Variants in FYB2 observed in about 807,000 individuals in gnomAD.
The protein encoded by FYB2 is FYN binding protein 2, also known as FYN-binding protein 2.
FYB2 carries 103 observed loss-of-function variants against 94.1 expected under a neutral mutation model. That is an observed-to-expected ratio of 1.09 (90% CI 0.93 to 1.29). FYB2 has a LOEUF of 1.29. FYB2 is among the 50% of genes most tolerant of loss of function. The pLI, the probability that FYB2 is intolerant of heterozygous loss-of-function variation, is 0.00. For missense variants in FYB2, 896 were observed against 841.5 expected (o/e 1.06, Z -0.80); for synonymous variants, 293 against 287.9 (o/e 1.02, Z -0.18).
intron 4 of FYB2, 82 bp from the exon 5 acceptor site, chr1:56,768,020 A>G: frequency 1.9e-6 from 2 of 1,073,942 alleles, no homozygotes; most frequent in Non-Finnish European, 2.7e-6. Flanking sequence ...CTCATTAGAG[A>G]AATAATATGT....
chr1:56,821,491 T>A (rs1225364432), upstream of FYB2, among the ~76,000 whole-genome samples: 2 of 152,224 alleles, frequency 1.3e-5, no homozygotes, highest in Non-Finnish European at 2.9e-5. Flanking sequence ...CACTAGCTGC[T>A]GGTCTTGGGA....
rs1644464924 is a variant in FYB2, at chr1:56,720,492, A to G, written c.1975-163T>C. ...AGAAAATAGGAAAGTATGCAGTTAA[A>G]GGAAAGTCGTTTAAGAAAATAATAG... On this transcript the variant is annotated intron_variant, in intron 17 of 19. Transcript: ENST00000343433. 4 of 529,596 alleles carry G rather than the reference A, an allele frequency of 7.6e-6. No individual in the cohort carries two copies. In the South Asian group the frequency reaches 2.5e-4, roughly 33 times the overall value. 32.8% of individuals were successfully genotyped at this position (529,596 alleles called of 1,614,324 possible).
Position 56,718,887 on chromosome 1 carries a change from A to G in FYB2, c.*784T>C, listed in dbSNP as rs1394770034. 1 of 152,588 alleles carries G rather than the reference A, an allele frequency of 6.6e-6. No individual in the cohort carries two copies. Among genetic ancestry groups the G allele is most frequent in the Non-Finnish European group, 1.5e-5 (1 of 68,012 alleles). 9.5% of individuals were successfully genotyped at this position (152,588 alleles called of 1,614,324 possible). A position where few individuals can be genotyped will look rare whatever the true frequency, so the allele number is the denominator to read the frequency against. ...AATAGATGTCAGCTTTTAAATTTTT[A>G]TTTAATTCCATATAAATGAAAGTAC... On this transcript the variant is annotated 3_prime_UTR_variant, in exon 20 of 20. Coordinates refer to ENST00000343433, the MANE Select transcript of FYB2 (RefSeq NM_001004303.5).
intron 1 of FYB2, among the ~76,000 whole-genome samples, chr1:56,805,019 T>C (rs1191282194): frequency 1.3e-5 from 2 of 152,186 alleles, no homozygotes; most frequent in East Asian, 3.9e-4. Context: ...CCTGGCTAAA[T>C]GTATTCATCT....
chr1:56,789,170 T>G (rs573489560), intron 2 of FYB2, 36 bp from the exon 3 acceptor site: 1 of 1,528,562 alleles, frequency 6.5e-7, no homozygotes, highest in Non-Finnish European at 8.8e-7. Context: ...AAGTTATGAT[T>G]ATTTTCATTT....
At chr1:56,794,283 C>G (rs1431225269) in intron 1 of FYB2, among the ~76,000 whole-genome samples, 8 of 152,120 alleles carry the variant, frequency 5.3e-5, no homozygotes, top group African/African-American at 1.9e-4. Flanking sequence ...ACCTCCTGCT[C>G]CATGCTCTTC....
intron 8 of FYB2, 135 bp downstream of exon 8, chr1:56,753,704 C>G (rs12402907): frequency 0.17 from 108,299 of 630,502 alleles, 10,588 homozygotes; most frequent in African/African-American, 0.29. Flanking sequence ...ACATTTATTT[C>G]CTTGATACAA....
intron 4 of FYB2, among the ~76,000 whole-genome samples, chr1:56,779,305 T>G (rs1331791558): frequency 6.6e-6 from 1 of 152,138 alleles, no homozygotes; most frequent in African/African-American, 2.4e-5. Context: ...ATTCAAAAAC[T>G]AATGAGTCCA....
chr1:56,777,270 A>AAAAAG lies in FYB2; in HGVS notation c.954-9337_954-9333dup, dbSNP rs1385651716. On this transcript the variant is annotated intron_variant, in intron 4 of 19. Transcript: ENST00000343433. ...AAAAAAAAAAAAAAAAAAAAAAAAA[A>AAAAAG]AAAAGAAAATAGAAGGCCCAGAGAT... Among the ~76,000 whole-genome samples the AAAAAG allele has an allele frequency of 3.7e-4, 3 of 8,052 alleles. 1 individual carries two copies. Among genetic ancestry groups the AAAAAG allele is most frequent in the Non-Finnish European group, 5.3e-4 (3 of 5,644 alleles). 5.3% of individuals were successfully genotyped at this position (8,052 alleles called of 152,430 possible).
chr1:56,825,350 C>A, the FYB2 span, among the ~76,000 whole-genome samples: 1 of 152,090 alleles, frequency 6.6e-6, no homozygotes, highest in African/African-American at 2.4e-5. Flanking sequence ...GTGCTATAAA[C>A]AAGCAACAGA....
intron 4 of FYB2, among the ~76,000 whole-genome samples, chr1:56,784,820 G>A (rs1254645918): frequency 3.3e-5 from 5 of 152,042 alleles, no homozygotes; most frequent in African/African-American, 4.8e-5. Flanking sequence ...ATGTCAGAAC[G>A]GTGTTTATAT....
intron 4 of FYB2, among the ~76,000 whole-genome samples, chr1:56,771,557 G>A (rs1229332960): frequency 1.3e-5 from 2 of 152,144 alleles, no homozygotes; most frequent in African/African-American, 2.4e-5. Context: ...TGTACTGTCC[G>A]CATTTGGTAT....
chr1:56,815,997 A>G (rs1646874112), intron 1 of FYB2, among the ~76,000 whole-genome samples: 1 of 152,222 alleles, frequency 6.6e-6, no homozygotes, highest in Non-Finnish European at 1.5e-5. Flanking sequence ...ACAATAAAAC[A>G]AAATTCTATA....
At chr1:56,720,109 T>A in intron 18 of FYB2, 54 bp from the exon 19 acceptor site, 2 of 1,585,436 alleles carry the variant, frequency 1.3e-6, no homozygotes, top group Non-Finnish European at 1.7e-6. Flanking sequence ...AAATGTTTTT[T>A]TAAAGCATTT....
chr1:56,782,220 A>C (rs1646025257), intron 4 of FYB2, among the ~76,000 whole-genome samples: 1 of 152,066 alleles, frequency 6.6e-6, no homozygotes, highest in South Asian at 2.1e-4. Flanking sequence ...TCTTCTATTT[A>C]ACTGTTTAAT....
At chr1:56,791,620 C>A (rs576829116) in intron 2 of FYB2, among the ~76,000 whole-genome samples, 5 of 152,024 alleles carry the variant, frequency 3.3e-5, no homozygotes, top group Admixed American at 3.3e-4. Context: ...AAGAGCTTGC[C>A]GACAGATTCA....
chr1:56,734,120 A>G (rs560544456), intron 15 of FYB2, among the ~76,000 whole-genome samples: 9 of 152,176 alleles, frequency 5.9e-5, no homozygotes, highest in Non-Finnish European at 8.8e-5. Context: ...ATATATATTT[A>G]GGATAGTTAG....
intron 6 of FYB2, among the ~76,000 whole-genome samples, chr1:56,757,734 CATTCTTTCTTTCTTTCTTTCT>C (rs1645385276): frequency 9.6e-6 from 1 of 104,214 alleles, no homozygotes; most frequent in Admixed American, 1.1e-4. Context: ...TTCTTTCTTT[CATTCTTTCTTTCTTTCTTTCT>C]TTTCATTCTT....
Position 56,792,836 on chromosome 1 carries a change from A to G in FYB2, c.10-33T>C, listed in dbSNP as rs1553165557. The G allele has an allele frequency of 1.9e-6, 3 of 1,539,684 alleles. No homozygotes were observed. In the East Asian group the frequency reaches 6.8e-5, roughly 35 times the overall value. The stretch of plus-strand genomic sequence containing the variant: ...AAAGAATAATCAAACAAACAAACAA[A>G]AACAAAAACAAACAAACAACAACAA... On this transcript the variant is annotated intron_variant, in intron 1 of 19. Coordinates refer to ENST00000343433, the MANE Select transcript of FYB2 (RefSeq NM_001004303.5).
Sources: gnomAD v4.1 joint callset for allele counts (sites outside exome capture counted in the v4.1 genomes callset) on GRCh38, gnomAD v4.1.1 for gene constraint, MANE v1.5 for transcripts, NCBI Gene and HGNC (gene_info 2026-07-23, HGNC 2026-07-21) for gene names.